Variants in USHBP1 observed in about 807,000 individuals in gnomAD.
The protein encoded by USHBP1 is USH1 protein network component harmonin binding protein 1, also known as harmonin-binding protein USHBP1.
A neutral mutation model predicts 76.2 loss-of-function variants in USHBP1; 67 were observed. The ratio of observed to expected loss-of-function variants is 0.88; its 90% CI spans 0.72 to 1.08. The LOEUF is 1.08. Ranked by LOEUF, USHBP1 falls within the 50% of genes least tolerant of loss-of-function variation. The probability of loss-of-function intolerance (pLI) is 0.00; values close to 1 mark genes in which losing one functional copy is unlikely to be tolerated. For missense variants in USHBP1, 931 were observed against 915.0 expected (o/e 1.02, Z -0.23); for synonymous variants, 322 against 362.2 (o/e 0.89, Z 1.26).
chr19:17,259,924 C>T lies in USHBP1; in HGVS notation c.741G>A (p.Glu247=). The T allele has an allele frequency of 6.2e-7, 1 of 1,614,066 alleles. No homozygotes were observed. The highest frequency in any genetic ancestry group is 8.5e-7 in the Non-Finnish European group (1 of 1,179,960). ...GAGTCTCCCAGGGTTCCCTGTCTGC[C>T]TCAGAGCTGCTAGAACCACTGCCTG... ...GGSGSGSSSS[E]ADREPWETQD... Residue 247 remains glutamate (E), a synonymous_variant, in exon 5 of 13, where the codon GAG becomes GAA. Coordinates refer to ENST00000252597, the MANE Select transcript of USHBP1 (RefSeq NM_031941.4).
intron 4 of USHBP1, 64 bp from the exon 5 acceptor site, chr19:17,260,086 A>G: frequency 1.3e-6 from 2 of 1,548,702 alleles, no homozygotes; most frequent in Admixed American, 1.9e-5. Flanking sequence ...CTCTCTCCCC[A>G]AGGCCTGTTC....
At chr19:17,264,542 T>C (rs1337330584) in intron 1 of USHBP1, 129 bp downstream of exon 1, 4 of 545,704 alleles carry the variant, frequency 7.3e-6, no homozygotes, top group Admixed American at 3.6e-5. Flanking sequence ...ATCTCCCCCT[T>C]CTTCTCTGCC....
chr19:17,264,546 CTCTGCCTTCTTT>C, intron 1 of USHBP1, 113 bp downstream of exon 1: 1 of 542,142 alleles, frequency 1.8e-6, no homozygotes, highest in Non-Finnish European at 3.2e-6. Context: ...CCCCCTTCTT[CTCTGCCTTCTTT>C]ACCTTCACTA....
chr19:17,250,130 A>G lies in USHBP1; in HGVS notation c.*95T>C. 7.0e-7 allele frequency: 1 copy of G among 1,431,810 alleles called. No homozygotes were observed. Among genetic ancestry groups the G allele is most frequent in the African/African-American group, 1.4e-5 (1 of 69,732 alleles). The allele number at this position is 1,431,810 out of a possible 1,614,324, so 88.7% of individuals were successfully genotyped here. A position where few individuals can be genotyped will look rare whatever the true frequency, so the allele number is the denominator to read the frequency against. ...TCCCTCACGCCAAATGTGCCCCAAC[A>G]TGCCAAATCATGCAACATGACATGA... On this transcript the variant is annotated 3_prime_UTR_variant, in exon 13 of 13. Coordinates refer to ENST00000252597, the MANE Select transcript of USHBP1 (RefSeq NM_031941.4).
At position 17,262,547 on chromosome 19, in the gene USHBP1, C is replaced by T. The variant is rs200520716; in HGVS notation, c.642+5G>A. The T allele has an allele frequency of 1.9e-6, 3 of 1,598,518 alleles. No homozygotes were observed. The highest frequency in any genetic ancestry group is 1.7e-5 in the Admixed American group (1 of 59,352). On this transcript the variant is annotated splice_donor_5th_base_variant and intron_variant, in intron 4 of 12. Coordinates refer to ENST00000252597, the MANE Select transcript of USHBP1 (RefSeq NM_031941.4). The stretch of plus-strand genomic sequence containing the variant: ...CCACATGGGACTCAGGATGGCCCCA[C>T]TCACCTCTTTCTGCAGCGTCTCCTT...
At chr19:17,251,220 A>G (rs989078818) in intron 12 of USHBP1, among the ~76,000 whole-genome samples, 3 of 141,218 alleles carry the variant, frequency 2.1e-5, no homozygotes, top group Non-Finnish European at 4.5e-5. Flanking sequence ...CCCAAGCTGG[A>G]GTGCAGTGGT....
intron 10 of USHBP1, among the ~76,000 whole-genome samples, chr19:17,252,436 A>G (rs2073564808): frequency 6.6e-6 from 1 of 151,928 alleles, no homozygotes; most frequent in African/African-American, 2.4e-5. Flanking sequence ...TCTAAAAATA[A>G]AATTTAGGGG....
At chr19:17,260,166 T>G in intron 4 of USHBP1, 144 bp from the exon 5 acceptor site, 2 of 1,125,674 alleles carry the variant, frequency 1.8e-6, no homozygotes, top group Non-Finnish European at 2.4e-6. Context: ...AAAATCTCAC[T>G]ATCTGACCTT....
chr19:17,250,162 T>G lies in USHBP1; in HGVS notation c.*63A>C, dbSNP rs942357104. The stretch of plus-strand genomic sequence containing the variant: ...ATCATGCAACATGACATGATGTCAC[T>G]CCAGGACAGTTTATGACATGCCACA... On this transcript the variant is annotated 3_prime_UTR_variant, in exon 13 of 13. Coordinates refer to ENST00000252597, the MANE Select transcript of USHBP1 (RefSeq NM_031941.4). 64 of 1,528,806 alleles carry G rather than the reference T, an allele frequency of 4.2e-5. No homozygotes were observed. The highest frequency in any genetic ancestry group is 5.5e-5 in the Non-Finnish European group (62 of 1,133,938). 94.7% of individuals were successfully genotyped at this position (1,528,806 alleles called of 1,614,324 possible). A position where few individuals can be genotyped will look rare whatever the true frequency, so the allele number is the denominator to read the frequency against.
Position 17,256,542 on chromosome 19 carries a change from C to T in USHBP1, c.1399G>A (p.Gly467Arg). The change falls in exon 9 of 13, where the codon GGG becomes AGG. Residue 467 changes from glycine to arginine, a missense_variant. Coordinates refer to ENST00000252597, the MANE Select transcript of USHBP1 (RefSeq NM_031941.4). ...RAEAMVQAIL[G>R]TQAGPALPRL... is the part of the protein sequence containing the mutation. ...GGAAGAGCTGGGCCAGCCTGGGTCC[C>T]CAGAATGGCCTGCACCATGGCTTCT... is the stretch of plus-strand genomic sequence containing the variant. The T allele has an allele frequency of 6.2e-7, 1 of 1,614,124 alleles. No homozygotes were observed. The highest frequency in any genetic ancestry group is 8.5e-7 in the Non-Finnish European group (1 of 1,180,024).
At chr19:17,256,444 GAC>G in intron 9 of USHBP1, 25 bp downstream of exon 9, 1 of 1,611,252 alleles carries the variant, frequency 6.2e-7, no homozygotes, top group South Asian at 1.1e-5. Context: ...AAGAAAGACT[GAC>G]ACAGTGGCCA....
chr19:17,256,765 A>G lies in USHBP1; in HGVS notation c.1221-45T>C. On this transcript the variant is annotated intron_variant, in intron 8 of 12. Transcript: ENST00000252597. The stretch of plus-strand genomic sequence containing the variant: ...TGCCTATGTCAACACTGGCAGGCAT[A>G]GGTGGGTTAAGTTCATGCCAATCCT... 1.9e-5 allele frequency: 31 copies of G among 1,612,170 alleles called. No individual in the cohort carries two copies. The Middle Eastern group carries it at 5.7e-4, about 30-fold the overall frequency.
intron 9 of USHBP1, among the ~76,000 whole-genome samples, chr19:17,256,122 C>T (rs1162871416): frequency 1.3e-5 from 2 of 152,158 alleles, no homozygotes; most frequent in Non-Finnish European, 2.9e-5. Context: ...CCTAGAGGGG[C>T]AAGTAGCTTA....
At position 17,252,156 on chromosome 19, in the gene USHBP1, G is replaced by A. The variant is rs1185639889; in HGVS notation, c.1693-139C>T. ...CACATCTGGTTCGATATACCAATAA[G>A]AGCAAAATTATACTCTGATAAGGGA... On this transcript the variant is annotated intron_variant, in intron 10 of 12. Transcript: ENST00000252597. 12 of 751,388 alleles carry A rather than the reference G, an allele frequency of 1.6e-5. No homozygotes were observed. The Admixed American group carries it at 3.2e-4, about 20-fold the overall frequency. The allele number at this position is 751,388 out of a possible 1,614,324, so 46.5% of individuals were successfully genotyped here. A position where few individuals can be genotyped will look rare whatever the true frequency, so the allele number is the denominator to read the frequency against.
intron 8 of USHBP1, 140 bp downstream of exon 8, chr19:17,258,072 C>G: frequency 8.5e-7 from 1 of 1,176,296 alleles, no homozygotes; most frequent in South Asian, 1.4e-5. Context: ...CTCATGTCAA[C>G]CAACTACAGT....
intron 12 of USHBP1, among the ~76,000 whole-genome samples, chr19:17,251,244 A>G (rs2073547816): frequency 6.9e-6 from 1 of 145,496 alleles, no homozygotes; most frequent in African/African-American, 2.6e-5. Flanking sequence ...ATCTCTGCTC[A>G]CCACAACCTC....
At chr19:17,256,872 C>A in intron 8 of USHBP1, 152 bp from the exon 9 acceptor site, 2 of 1,117,376 alleles carry the variant, frequency 1.8e-6, no homozygotes, top group Non-Finnish European at 1.3e-6. Context: ...CCAACATACC[C>A]CACTAGGCAC....
chr19:17,260,067 C>T, intron 4 of USHBP1, 45 bp from the exon 5 acceptor site: 1 of 1,581,798 alleles, frequency 6.3e-7, no homozygotes, highest in Non-Finnish European at 8.6e-7. Context: ...CTCAAACCAA[C>T]CACCAGCCCT....
At chr19:17,261,317 TTTTC>T (rs555731943) in intron 4 of USHBP1, among the ~76,000 whole-genome samples, 24 of 140,810 alleles carry the variant, frequency 1.7e-4, no homozygotes, top group South Asian at 4.5e-4. Context: ...TTTTCTTTCT[TTTTC>T]TTTCTTTCTT....
Sources: gnomAD v4.1 joint callset for allele counts (sites outside exome capture counted in the v4.1 genomes callset) on GRCh38, gnomAD v4.1.1 for gene constraint, MANE v1.5 for transcripts, NCBI Gene and HGNC (gene_info 2026-07-23, HGNC 2026-07-21) for gene names.